RBM20: variants seen among roughly 807,000 people sequenced by gnomAD.
The protein encoded by RBM20 is RNA binding motif protein 20, also known as RNA-binding protein 20.
A neutral mutation model predicts 110.1 loss-of-function variants in RBM20; 51 were observed. The observed-to-expected ratio is 0.46, with a 90% CI of 0.37 to 0.59. The LOEUF is 0.59. Ranked by LOEUF, RBM20 falls within the 20% of genes least tolerant of loss-of-function variation. The pLI, the probability that RBM20 is intolerant of heterozygous loss-of-function variation, is 0.00. For missense variants in RBM20, 1,512 were observed against 1,574.9 expected, an observed-to-expected ratio of 0.96 and a Z score of 0.68; for synonymous variants, 589 against 618.2, an observed-to-expected ratio of 0.95 and a Z score of 0.70.
At chr10:110,770,629 G>T (rs982947911) in intron 1 of RBM20, among the ~76,000 whole-genome samples, 2 of 152,144 alleles carry the variant, frequency 1.3e-5, no homozygotes, top group African/African-American at 4.8e-5. Flanking sequence ...TAGGTTAATT[G>T]TCAGGCAACT....
chr10:110,793,085 C>T (rs747008188), intron 5 of RBM20, among the ~76,000 whole-genome samples: 8 of 152,086 alleles, frequency 5.3e-5, no homozygotes, highest in South Asian at 4.1e-4. Context: ...TTTTTACATC[C>T]GGAAAGGACT....
chr10:110,823,494 G>A lies in RBM20; in HGVS notation c.3331G>A (p.Val1111Met), dbSNP rs77110978. ...ATGTTTTGCAGAAAACTCCAGGTAC[G>A]TGGAAATGAAATCTCTGGAGGTGAG... ...EVLTPENSRY[V>M]EMKSLEVRSP... The change falls in exon 12 of 14, where the codon GTG becomes ATG. Residue 1111 changes from valine to methionine, a missense_variant. Val to Met is a conservative substitution (Grantham distance 21). Coordinates refer to ENST00000369519, the MANE Select transcript of RBM20 (RefSeq NM_001134363.3). 1.9e-4 allele frequency: 282 copies of A among 1,503,670 alleles called. 4 individuals carry two copies. The East Asian group carries it at 6.9e-3, about 37-fold the overall frequency. The allele number at this position is 1,503,670 out of a possible 1,614,324, so 93.1% of individuals were successfully genotyped here.
intron 1 of RBM20, among the ~76,000 whole-genome samples, chr10:110,761,931 G>A (rs1257128348): frequency 6.6e-6 from 1 of 152,232 alleles, no homozygotes; most frequent in East Asian, 1.9e-4. Flanking sequence ...AACTGACATG[G>A]CATAGTGGCT....
At chr10:110,768,870 A>G (rs1230099032) in intron 1 of RBM20, among the ~76,000 whole-genome samples, 1 of 152,248 alleles carries the variant, frequency 6.6e-6, no homozygotes, top group African/African-American at 2.4e-5. Context: ...AAAGGTGCCA[A>G]TAGAGCTAAG....
At position 110,812,277 on chromosome 10, in the gene RBM20, G is replaced by C. The variant is rs1424661837; in HGVS notation, c.1881-1G>C. On this transcript the variant is annotated splice_acceptor_variant, in intron 8 of 13. Transcript: ENST00000369519. LOFTEE classifies it high-confidence loss of function. ...AATCCTGCTCCTTGGCTCCCTCACA[G>C]ATATGGCCCAGAAAGGCCGCGGTCT... 1 of 1,541,080 alleles carries C rather than the reference G, an allele frequency of 6.5e-7. No homozygotes were observed. The highest frequency in any genetic ancestry group is 8.8e-7 in the Non-Finnish European group (1 of 1,141,186).
chr10:110,728,000 C>A (rs1590639954), intron 1 of RBM20, among the ~76,000 whole-genome samples: 1 of 152,186 alleles, frequency 6.6e-6, no homozygotes. Context: ...TTTATGGCTG[C>A]ATAGTATTTC....
intron 13 of RBM20, among the ~76,000 whole-genome samples, chr10:110,832,764 A>C (rs1413566792): frequency 6.6e-6 from 1 of 152,186 alleles, no homozygotes; most frequent in Non-Finnish European, 1.5e-5. Context: ...GCAGAGAAGT[A>C]TCATAGGCTA....
chr10:110,768,651 T>C (rs1369881346), intron 1 of RBM20, among the ~76,000 whole-genome samples: 2 of 152,190 alleles, frequency 1.3e-5, no homozygotes, highest in African/African-American at 4.8e-5. Flanking sequence ...AACCAGTATT[T>C]GTTCAGTGCC....
chr10:110,817,670 G>A (rs1342596808), intron 9 of RBM20, among the ~76,000 whole-genome samples: 1 of 152,188 alleles, frequency 6.6e-6, no homozygotes, highest in African/African-American at 2.4e-5. Flanking sequence ...AGGAGATGAA[G>A]GTACGCAATG....
chr10:110,728,646 A>G (rs1434694284), intron 1 of RBM20, among the ~76,000 whole-genome samples: 4 of 152,134 alleles, frequency 2.6e-5, no homozygotes, highest in Non-Finnish European at 5.9e-5. Context: ...TTTTTGCCCA[A>G]TCATAATGCT....
chr10:110,718,608 C>CTTTTTTTTTTTTTTTTTTT (rs61629487), intron 1 of RBM20, among the ~76,000 whole-genome samples: 9 of 101,550 alleles, frequency 8.9e-5, no homozygotes, highest in East Asian at 3.1e-4. Flanking sequence ...CTACTCCATT[C>CTTTTTTTTTTTTTTTTTTT]TTTTTTTTTT....
intron 12 of RBM20, among the ~76,000 whole-genome samples, chr10:110,826,586 T>C (rs1422463786): frequency 1.1e-4 from 4 of 36,112 alleles, no homozygotes; most frequent in Admixed American, 4.2e-4. Flanking sequence ...TCTTCTTCTT[T>C]TTTTTTTTTT....
intron 12 of RBM20, among the ~76,000 whole-genome samples, chr10:110,829,577 C>T (rs1157456518): frequency 1.3e-5 from 2 of 152,202 alleles, no homozygotes; most frequent in Non-Finnish European, 2.9e-5. Flanking sequence ...CTCCCTCCCT[C>T]AGAGCTGCCC....
chr10:110,815,406 A>T (rs1227214323), intron 9 of RBM20, among the ~76,000 whole-genome samples: 1 of 152,240 alleles, frequency 6.6e-6, no homozygotes, highest in Non-Finnish European at 1.5e-5. Context: ...ATTAGGGAAG[A>T]GGGTGAGACT....
intron 5 of RBM20, among the ~76,000 whole-genome samples, chr10:110,795,042 C>T (rs1844531873): frequency 6.6e-6 from 1 of 152,204 alleles, no homozygotes; most frequent in Admixed American, 6.5e-5. Context: ...GCTCCATTGT[C>T]CAAGCACACA....
intron 1 of RBM20, among the ~76,000 whole-genome samples, chr10:110,749,834 T>C (rs1242258710): frequency 6.6e-6 from 1 of 151,812 alleles, no homozygotes; most frequent in Non-Finnish European, 1.5e-5. Flanking sequence ...TCACAACACA[T>C]ACCAAGATAA....
intron 6 of RBM20, 109 bp downstream of exon 6, chr10:110,797,757 C>T (rs1051612424): frequency 2.2e-5 from 25 of 1,160,566 alleles, no homozygotes; most frequent in Middle Eastern, 5.5e-4. Context: ...GAGGCGATGC[C>T]GTAGCTGGCC....
intron 1 of RBM20, among the ~76,000 whole-genome samples, chr10:110,691,985 T>C (rs1350085128): frequency 1.3e-5 from 2 of 152,220 alleles, no homozygotes; most frequent in Non-Finnish European, 2.9e-5. Context: ...TTATTTTGCA[T>C]GTGGATACCC....
intron 1 of RBM20, among the ~76,000 whole-genome samples, chr10:110,712,168 C>G (rs1011811550): frequency 6.6e-6 from 1 of 152,124 alleles, no homozygotes; most frequent in African/African-American, 2.4e-5. Context: ...GGAAATGATG[C>G]ATCAGACCAA....
Sources: allele counts gnomAD v4.1 joint callset (sites outside exome capture counted in the v4.1 genomes callset), GRCh38; gene constraint gnomAD v4.1.1; transcripts MANE v1.5; gene names NCBI Gene and HGNC (gene_info 2026-07-23, HGNC 2026-07-21).